The following PKD2 variants were observed in gnomAD, a reference collection of about 807,000 sequenced individuals.
PKD2 encodes polycystin 2, transient receptor potential cation channel, also known as polycystin-2.
In PKD2, 48 loss-of-function variants were observed where a neutral mutation model predicts 105.9. The observed-to-expected ratio is 0.45, with a 90% CI of 0.36 to 0.58. PKD2 has a LOEUF of 0.58. Ranked by LOEUF, PKD2 falls within the 20% of genes least tolerant of loss-of-function variation. The pLI is 0.00. For synonymous variants in PKD2, 464 were observed against 481.1 expected (o/e 0.96, Z 0.46); for missense variants, 1,078 against 1,255.3 (o/e 0.86, Z 2.13).
At position 88,056,254 on chromosome 4, in the gene PKD2, T is replaced by C; in HGVS notation, c.1885T>C (p.Phe629Leu). The change falls in exon 8 of 15, where the codon TTC (phenylalanine) becomes CTC (leucine). Residue 629 changes from phenylalanine (F) to leucine (L), a missense_variant. Physicochemically the swap from Phe to Leu is conservative, Grantham distance 22 (BLOSUM62 0). Around this residue, in one of 2 missense-constraint regions of PKD2, gnomAD observed 868 missense variants for 1,067.3 expected, o/e 0.81. Coordinates refer to ENST00000237596, the MANE Select transcript of PKD2 (RefSeq NM_000297.4). ...FGTQVDDFST[F>L]QECIFTQFRI... is the part of the protein sequence containing the mutation. ...CACTCAGGTCGATGACTTCAGTACT[T>C]TCCAAGAGTGTATGTAAGTATATAT... The C allele has an allele frequency of 6.2e-7, 1 of 1,608,344 alleles. No individual in the cohort carries two copies. Among genetic ancestry groups the C allele is most frequent in the Non-Finnish European group, 8.5e-7 (1 of 1,175,006 alleles).
intron 12 of PKD2, among the ~76,000 whole-genome samples, chr4:88,066,326 GT>G (rs1384035748): frequency 6.6e-6 from 1 of 150,788 alleles, no homozygotes; most frequent in Non-Finnish European, 1.5e-5. Context: ...AATTATTCTG[GT>G]TAGTTAGTGG....
chr4:88,075,343 G>A (rs913251986), intron 14 of PKD2, 115 bp from the exon 15 acceptor site: 21 of 850,088 alleles, frequency 2.5e-5, no homozygotes, highest in Middle Eastern at 2.7e-4. Flanking sequence ...TCTGAGATTT[G>A]CTATTATATG....
At chr4:88,055,150 C>T (rs889055773) in intron 7 of PKD2, among the ~76,000 whole-genome samples, 4 of 152,222 alleles carry the variant, frequency 2.6e-5, no homozygotes, top group Admixed American at 2.6e-4. Flanking sequence ...GCAGAGCAGG[C>T]TTTGCAGTTC....
chr4:88,065,263 A>C, intron 10 of PKD2, 111 bp from the exon 11 acceptor site: 2 of 896,746 alleles, frequency 2.2e-6, no homozygotes, highest in Non-Finnish European at 3.7e-6. Flanking sequence ...TACTTGTTGA[A>C]TGGCCAATGT....
intron 2 of PKD2, among the ~76,000 whole-genome samples, chr4:88,026,268 AT>A (rs1176947087): frequency 6.6e-6 from 1 of 152,168 alleles, no homozygotes; most frequent in Non-Finnish European, 1.5e-5. Flanking sequence ...TCAGGTGGAG[AT>A]GAGGAACTTA....
rs527238497 is a variant in PKD2, at chr4:88,076,516, C to T, written c.*822C>T. Reference sequence around the variant, plus strand: ...AAGATTTATCTGCATATTCTTTTTCCCATGTGGCTCTACTCATTTGCAACT... The same window carrying T: ...AAGATTTATCTGCATATTCTTTTTCTCATGTGGCTCTACTCATTTGCAACT... On this transcript the variant is annotated 3_prime_UTR_variant, in exon 15 of 15. Transcript: ENST00000237596. 7.2e-5 allele frequency: 11 copies of T among 152,202 alleles called. No homozygotes were observed. The highest frequency in any genetic ancestry group is 7.2e-4 in the Admixed American group (11 of 15,286). The allele number at this position is 152,202 out of a possible 1,614,324, so 9.4% of individuals were successfully genotyped here.
intron 11 of PKD2, 86 bp downstream of exon 11, chr4:88,065,581 C>T: frequency 1.4e-6 from 2 of 1,381,902 alleles, no homozygotes; most frequent in Non-Finnish European, 2.1e-6. Context: ...AGCCCAAGGG[C>T]TCATACAGAT....
At chr4:88,018,168 ACT>A (rs1053665021) in intron 1 of PKD2, among the ~76,000 whole-genome samples, 16 of 152,188 alleles carry the variant, frequency 1.1e-4, no homozygotes, top group African/African-American at 3.9e-4. Context: ...GTTATGCTCC[ACT>A]CTCAGTGCTG....
chr4:88,075,056 T>A, intron 14 of PKD2, 97 bp downstream of exon 14: 1 of 1,336,758 alleles, frequency 7.5e-7, no homozygotes, highest in African/African-American at 1.5e-5. Flanking sequence ...TGAAGAAGAG[T>A]AAAAAAAATT....
intron 8 of PKD2, among the ~76,000 whole-genome samples, chr4:88,057,695 A>C (rs925371440): frequency 1.3e-5 from 2 of 152,026 alleles, no homozygotes; most frequent in Non-Finnish European, 2.9e-5. Context: ...CGGCCTCCCA[A>C]AGTGCTGGGA....
At chr4:88,044,990 A>G (rs1424478053) in intron 5 of PKD2, among the ~76,000 whole-genome samples, 2 of 152,206 alleles carry the variant, frequency 1.3e-5, no homozygotes, top group Non-Finnish European at 2.9e-5. Flanking sequence ...AGTTTTTCCT[A>G]ATTATTCCAG....
At chr4:88,039,146 G>A (rs1727456847) in intron 4 of PKD2, among the ~76,000 whole-genome samples, 1 of 152,134 alleles carries the variant, frequency 6.6e-6, no homozygotes, top group Admixed American at 6.5e-5. Context: ...TTCAGGGTGG[G>A]CCTTTGCGGT....
In PKD2 at chr4:88,054,589, G is replaced by C. The variant is rs182484022; in HGVS notation, c.1717-1497G>C. Reference sequence around the variant, plus strand: ...TGTGTTTTATTTAGTGCTTCTCTTGGAAATGTCTTGCCCCTCGATACTTTA... The same window carrying C: ...TGTGTTTTATTTAGTGCTTCTCTTGCAAATGTCTTGCCCCTCGATACTTTA... On this transcript the variant is annotated intron_variant, in intron 7 of 14. Coordinates refer to ENST00000237596, the MANE Select transcript of PKD2 (RefSeq NM_000297.4). Among the ~76,000 whole-genome samples the C allele has an allele frequency of 9.7e-4, 146 of 150,814 alleles. 1 individual carries two copies. The highest frequency in any genetic ancestry group is 1.7e-3 in the Non-Finnish European group (118 of 67,906).
chr4:88,041,123 T>C (rs1218490641), intron 4 of PKD2, among the ~76,000 whole-genome samples: 1 of 152,236 alleles, frequency 6.6e-6, no homozygotes, highest in African/African-American at 2.4e-5. Context: ...CATCGTTTTC[T>C]TATGAGATCT....
At chr4:88,050,771 C>A (rs890558213) in intron 6 of PKD2, among the ~76,000 whole-genome samples, 2 of 151,958 alleles carry the variant, frequency 1.3e-5, no homozygotes, top group African/African-American at 2.4e-5. Flanking sequence ...GTTCATCATT[C>A]CCACCACCAA....
intron 2 of PKD2, among the ~76,000 whole-genome samples, chr4:88,029,362 C>T (rs573485395): frequency 2.7e-4 from 41 of 152,302 alleles, no homozygotes; most frequent in African/African-American, 8.7e-4. Flanking sequence ...AGTGACTCCA[C>T]GTCCCACTCA....
At chr4:88,019,695 G>A (rs1460269787) in intron 2 of PKD2, 124 bp downstream of exon 2, 1 of 690,896 alleles carries the variant, frequency 1.4e-6, no homozygotes, top group African/African-American at 1.8e-5. Context: ...TCTTACCTTT[G>A]TTTTTAATTC....
At chr4:88,031,033 A>G (rs1035145665) in intron 2 of PKD2, among the ~76,000 whole-genome samples, 5 of 152,220 alleles carry the variant, frequency 3.3e-5, no homozygotes, top group African/African-American at 9.6e-5. Context: ...TGAAAGTGAT[A>G]CACATTCTAT....
chr4:88,041,391 C>T (rs887636763), intron 4 of PKD2, among the ~76,000 whole-genome samples: 1 of 152,108 alleles, frequency 6.6e-6, no homozygotes, highest in Non-Finnish European at 1.5e-5. Context: ...AAGACCACCC[C>T]CAGGTTCAGT....
Sources: allele counts gnomAD v4.1 joint callset (sites outside exome capture counted in the v4.1 genomes callset), GRCh38; gene constraint gnomAD v4.1.1; regional missense constraint gnomAD v4.1.1; transcripts MANE v1.5; gene names NCBI Gene and HGNC (gene_info 2026-07-23, HGNC 2026-07-21).